COL13A1: variants seen among roughly 807,000 people sequenced by gnomAD.
COL13A1 encodes collagen alpha-1(XIII) chain.
COL13A1 carries 89 observed loss-of-function variants against 130.9 expected under a neutral mutation model. The observed-to-expected ratio is 0.68, with a 90% CI of 0.57 to 0.81. The LOEUF (loss-of-function observed/expected upper bound fraction) is 0.81, where lower values mean the gene tolerates loss of function less well. COL13A1 is among the 30% of genes least tolerant of loss of function. COL13A1 has a pLI of 0.00. For synonymous variants in COL13A1, 402 were observed against 341.6 expected, an observed-to-expected ratio of 1.18 and a Z score of -1.95; for missense variants, 879 against 934.6, an observed-to-expected ratio of 0.94 and a Z score of 0.78.
At chr10:69,924,771 C>G (rs1359758887) in intron 24 of COL13A1, among the ~76,000 whole-genome samples, 192 bp from the exon 25 acceptor site, 2 of 152,074 alleles carry the variant, frequency 1.3e-5, no homozygotes, top group South Asian at 4.2e-4. Flanking sequence ...TGGGAGGCAG[C>G]CCAGAGGGAC....
At chr10:69,898,634 G>C (rs987943437) in intron 13 of COL13A1, 63 bp from the exon 14 acceptor site, 24 of 1,484,810 alleles carry the variant, frequency 1.6e-5, no homozygotes, top group Non-Finnish European at 2.2e-5. Context: ...TTTTGGCATC[G>C]ATCTGAATAC....
At chr10:69,867,660 G>C in intron 2 of COL13A1, 138 bp from the exon 3 acceptor site, 1 of 632,440 alleles carries the variant, frequency 1.6e-6, no homozygotes, top group Non-Finnish European at 2.9e-6. Context: ...GGTGAAAGTA[G>C]GCCAGGAAAA....
intron 4 of COL13A1, among the ~76,000 whole-genome samples, chr10:69,873,558 T>A (rs1024240594): frequency 6.6e-6 from 1 of 152,124 alleles, no homozygotes; most frequent in African/African-American, 2.4e-5. Context: ...TCCACACCCA[T>A]CCCTAACCCA....
chr10:69,950,367 A>T (rs1295493236), intron 38 of COL13A1, among the ~76,000 whole-genome samples: 1 of 152,130 alleles, frequency 6.6e-6, no homozygotes, highest in African/African-American at 2.4e-5. Flanking sequence ...AGGACACCGG[A>T]TTTGGGGCAA....
At chr10:69,939,630 A>G (rs1048367213) in intron 34 of COL13A1, among the ~76,000 whole-genome samples, 4 of 152,154 alleles carry the variant, frequency 2.6e-5, no homozygotes, top group Non-Finnish European at 4.4e-5. Context: ...TGCAGAAGCA[A>G]TTCTCAATGC....
intron 38 of COL13A1, among the ~76,000 whole-genome samples, chr10:69,951,223 T>C (rs893258516): frequency 1.3e-5 from 2 of 152,136 alleles, no homozygotes; most frequent in Non-Finnish European, 2.9e-5. Flanking sequence ...ACAGTGCACA[T>C]GACAACCTCT....
chr10:69,883,872 G>T (rs2060365446), intron 7 of COL13A1, among the ~76,000 whole-genome samples: 1 of 152,210 alleles, frequency 6.6e-6, no homozygotes, highest in African/African-American at 2.4e-5. Flanking sequence ...TGGGAGGCTG[G>T]CTGGAAGGCA....
chr10:69,884,430 G>T (rs2060428358), intron 7 of COL13A1, among the ~76,000 whole-genome samples: 1 of 152,228 alleles, frequency 6.6e-6, no homozygotes, highest in South Asian at 2.1e-4. Context: ...CTGCCCCTGG[G>T]CAGAGACACA....
rs368430963 is a variant in COL13A1, at chr10:69,888,311, T to C, written c.557T>C (p.Ile186Thr). Residue 186 changes from isoleucine (I) to threonine (T), a missense_variant, in exon 9 of 41, where the codon ATT becomes ACT. Physicochemically the swap from Ile to Thr is moderately conservative, Grantham distance 89 (BLOSUM62 -1). Transcript: ENST00000645393. ...TGGCCTTTCTGGTTTCAGGGTCCCA[T>C]TGGGCTGGACGGCAAACCGGTAAGT... Reference protein sequence around the residue: ...TRGFPGFPGPIGLDGKPGHPG... With the variant: ...TRGFPGFPGPTGLDGKPGHPG... 5.6e-6 allele frequency: 9 copies of C among 1,612,876 alleles called. No homozygotes were observed. The highest frequency in any genetic ancestry group is 2.7e-5 in the African/African-American group (2 of 74,918).
intron 6 of COL13A1, 142 bp from the exon 7 acceptor site, chr10:69,880,361 G>A (rs1006501810): frequency 1.4e-5 from 10 of 705,816 alleles, no homozygotes; most frequent in Non-Finnish European, 2.6e-5. Flanking sequence ...ACGTCCCCTG[G>A]CATCCCTCTC....
intron 2 of COL13A1, among the ~76,000 whole-genome samples, chr10:69,847,935 T>C (rs1233012031): frequency 5.3e-5 from 8 of 152,260 alleles, no homozygotes; most frequent in South Asian, 4.1e-4. Flanking sequence ...CCCGAAGGCA[T>C]AAGAGACCCT....
At chr10:69,862,009 C>A (rs1015684355) in intron 2 of COL13A1, among the ~76,000 whole-genome samples, 1 of 152,106 alleles carries the variant, frequency 6.6e-6, no homozygotes, top group African/African-American at 2.4e-5. Context: ...TAGCTTTTGC[C>A]AATTTCTGTG....
chr10:69,849,424 C>A (rs1033141958), intron 2 of COL13A1, among the ~76,000 whole-genome samples: 7 of 152,362 alleles, frequency 4.6e-5, no homozygotes, highest in Admixed American at 2.0e-4. Flanking sequence ...TCCGCAGTCA[C>A]CAACCGGCTC....
At chr10:69,918,099 G>A (rs2064148638) in intron 18 of COL13A1, among the ~76,000 whole-genome samples, 186 bp from the exon 19 acceptor site, 1 of 152,118 alleles carries the variant, frequency 6.6e-6, no homozygotes, top group Non-Finnish European at 1.5e-5. Context: ...CCCTTCCTCA[G>A]GGTCCATTCT....
intron 22 of COL13A1, 114 bp from the exon 23 acceptor site, chr10:69,922,594 C>G: frequency 1.7e-6 from 1 of 601,990 alleles, no homozygotes; most frequent in Non-Finnish European, 2.7e-6. Flanking sequence ...ATCTGGGATT[C>G]TGAAGGCCCC....
chr10:69,846,609 T>C (rs898387173), intron 2 of COL13A1, among the ~76,000 whole-genome samples: 2 of 152,070 alleles, frequency 1.3e-5, no homozygotes, highest in African/African-American at 4.8e-5. Flanking sequence ...ATTCAATCCT[T>C]CCTTTGATGG....
intron 16 of COL13A1, 59 bp downstream of exon 16, chr10:69,905,018 G>T: frequency 5.8e-6 from 9 of 1,539,366 alleles, no homozygotes; most frequent in Non-Finnish European, 7.9e-6. Flanking sequence ...CAGGAGGGAG[G>T]GGGAGGCAGC....
chr10:69,842,870 G>A (rs896507442), intron 2 of COL13A1, among the ~76,000 whole-genome samples: 4 of 152,194 alleles, frequency 2.6e-5, no homozygotes, highest in African/African-American at 7.2e-5. Flanking sequence ...ACGGGGTCCC[G>A]GCAGTGACCC....
intron 2 of COL13A1, among the ~76,000 whole-genome samples, chr10:69,826,205 C>T (rs577412190): frequency 3.3e-5 from 5 of 152,292 alleles, no homozygotes; most frequent in East Asian, 1.9e-4. Context: ...ACTTCAGGCC[C>T]GCCACGCTGG....
Sources: gnomAD v4.1 joint callset for allele counts (sites outside exome capture counted in the v4.1 genomes callset) on GRCh38, gnomAD v4.1.1 for gene constraint, MANE v1.5 for transcripts, NCBI Gene and HGNC (gene_info 2026-07-23, HGNC 2026-07-21) for gene names.